EZH2: variants seen among roughly 807,000 people sequenced by gnomAD.
The protein encoded by EZH2 is histone-lysine N-methyltransferase EZH2.
In EZH2, 18 loss-of-function variants were observed where a neutral mutation model predicts 98.4. That is an observed-to-expected ratio of 0.18 (90% CI 0.13 to 0.27). The LOEUF is 0.27. EZH2 is among the 10% of genes least tolerant of loss of function. EZH2 has a pLI of 1.00. For synonymous variants in EZH2, 338 were observed against 312.3 expected (o/e 1.08, Z -0.87); for missense variants, 470 against 935.1 (o/e 0.50, Z 6.49).
intron 15 of EZH2, 103 bp downstream of exon 15, chr7:148,813,856 A>G: frequency 8.3e-7 from 1 of 1,198,674 alleles, no homozygotes; most frequent in Non-Finnish European, 1.2e-6. Context: ...TTCAAGGATC[A>G]CTTTTACTTT....
At chr7:148,861,931 T>C (rs1817735431) in intron 1 of EZH2, among the ~76,000 whole-genome samples, 2 of 152,226 alleles carry the variant, frequency 1.3e-5, no homozygotes, top group South Asian at 4.1e-4. Flanking sequence ...ATATGTTGTT[T>C]TGGTTCAAGT....
chr7:148,854,435 C>CAAA (rs59202218), intron 1 of EZH2, among the ~76,000 whole-genome samples: 13 of 87,462 alleles, frequency 1.5e-4, no homozygotes, highest in African/African-American at 3.3e-4. Context: ...GACTCCGTCT[C>CAAA]AAAAAAAAAA....
At chr7:148,810,117 G>A in intron 17 of EZH2, 1 of 431,700 alleles carries the variant, frequency 2.3e-6, no homozygotes, top group East Asian at 3.2e-5. Context: ...CAGACAGCCG[G>A]GACTCCAGAG....
At chr7:148,827,080 T>C in intron 7 of EZH2, 84 bp downstream of exon 7, 1 of 1,013,562 alleles carries the variant, frequency 9.9e-7, no homozygotes, top group Non-Finnish European at 1.5e-6. Context: ...GCTCATCCGC[T>C]ACATTGATTC....
intron 3 of EZH2, among the ~76,000 whole-genome samples, chr7:148,843,531 G>T (rs138490733): frequency 1.4e-5 from 2 of 145,982 alleles, no homozygotes; most frequent in African/African-American, 5.0e-5. Flanking sequence ...GAGAAAATCA[G>T]TCATTTTCAA....
intron 1 of EZH2, among the ~76,000 whole-genome samples, chr7:148,867,918 G>A (rs771725398): frequency 6.6e-6 from 1 of 152,216 alleles, no homozygotes; most frequent in Non-Finnish European, 1.5e-5. Context: ...GGAGCACAAT[G>A]CTGCCAGTCT....
In EZH2 at chr7:148,807,383, G is replaced by A; in HGVS notation, c.*263C>T. ...ACGTTATGAGAGATGATTCAACAAG[G>A]ACAAGTTCAAGTATTCTTTATTCAA... On this transcript the variant is annotated 3_prime_UTR_variant, in exon 20 of 20. Transcript: ENST00000320356. 1 of 466,956 alleles carries A rather than the reference G, an allele frequency of 2.1e-6. No individual in the cohort carries two copies. The highest frequency in any genetic ancestry group is 3.8e-6 in the Non-Finnish European group (1 of 260,606). The allele number at this position is 466,956 out of a possible 1,614,324, so 28.9% of individuals were successfully genotyped here. A position where few individuals can be genotyped will look rare whatever the true frequency, so the allele number is the denominator to read the frequency against.
chr7:148,828,683 T>C, intron 6 of EZH2, 57 bp downstream of exon 6: 1 of 1,566,388 alleles, frequency 6.4e-7, no homozygotes, highest in Non-Finnish European at 8.6e-7. Flanking sequence ...CTACTCTTTC[T>C]ACTGTTTTTG....
intron 1 of EZH2, among the ~76,000 whole-genome samples, chr7:148,868,943 T>A (rs1268145195): frequency 6.6e-6 from 1 of 152,228 alleles, no homozygotes; most frequent in Non-Finnish European, 1.5e-5. Context: ...AAAAAACAAT[T>A]ATTTCTTTAA....
chr7:148,840,513 C>G (rs981805398), intron 3 of EZH2, among the ~76,000 whole-genome samples: 5 of 152,082 alleles, frequency 3.3e-5, no homozygotes, highest in African/African-American at 1.2e-4. Flanking sequence ...GGGACTTTTG[C>G]TTTCTGTTTT....
At chr7:148,866,237 C>G (rs912461787) in intron 1 of EZH2, among the ~76,000 whole-genome samples, 3 of 152,028 alleles carry the variant, frequency 2.0e-5, no homozygotes, top group African/African-American at 7.2e-5. Context: ...TTGTCAGTAT[C>G]TGTGCTATGG....
rs2129476879 is a variant in EZH2, at chr7:148,829,735, C to A, written c.477G>T (p.Gly159=). ...LIKNYDGKVH[G]DRECGFINDE... ...AAGAAGCATATGGCTCACCTCTATC[C>A]CCGTGTACTTTCCCATCATAATTTT... Residue 159 remains glycine, a synonymous_variant, in exon 5 of 20, where the codon GGG becomes GGT. Coordinates refer to ENST00000320356, the MANE Select transcript of EZH2 (RefSeq NM_004456.5). The A allele has an allele frequency of 6.2e-7, 1 of 1,610,058 alleles. No homozygotes were observed. Among genetic ancestry groups the A allele is most frequent in the South Asian group, 1.1e-5 (1 of 89,898 alleles).
chr7:148,861,474 G>A (rs758021593), intron 1 of EZH2, among the ~76,000 whole-genome samples: 6 of 151,266 alleles, frequency 4.0e-5, no homozygotes, highest in South Asian at 4.2e-4. Flanking sequence ...TGATCCACCC[G>A]GATTGGCCTC....
At chr7:148,854,067 T>G (rs1816355053) in intron 1 of EZH2, among the ~76,000 whole-genome samples, 1 of 152,216 alleles carries the variant, frequency 6.6e-6, no homozygotes, top group Admixed American at 6.5e-5. Context: ...AAATCAGACA[T>G]TCCTGTCCCT....
Position 148,860,669 on chromosome 7 carries a change from CTTTTA to C in EZH2, c.-7-13369_-7-13365del, listed in dbSNP as rs796643591. Among the ~76,000 whole-genome samples, 82 of 152,084 alleles carry C rather than the reference CTTTTA, an allele frequency of 5.4e-4. No individual in the cohort carries two copies. In the East Asian group the frequency reaches 6.7e-3, roughly 13 times the overall value. ...AAACTAAAGAGTTTTTTACAATTTA[CTTTTA>C]TTTTATTTTATTTTTTTGAGACAAG... On this transcript the variant is annotated intron_variant, in intron 1 of 19. Coordinates refer to ENST00000320356, the MANE Select transcript of EZH2 (RefSeq NM_004456.5).
chr7:148,810,896 CAAA>C (rs924758768), intron 16 of EZH2, among the ~76,000 whole-genome samples: 26 of 43,656 alleles, frequency 6.0e-4, no homozygotes, highest in Admixed American at 2.3e-3. Flanking sequence ...AACTCTGTCT[CAAA>C]AAAAAAAAAA....
At chr7:148,867,411 G>C (rs903059123) in intron 1 of EZH2, among the ~76,000 whole-genome samples, 1 of 152,156 alleles carries the variant, frequency 6.6e-6, no homozygotes, top group African/African-American at 2.4e-5. Context: ...AAGACAATTT[G>C]TTTTACCGAA....
chr7:148,837,853 T>C (rs1294937030), intron 3 of EZH2, among the ~76,000 whole-genome samples: 1 of 152,208 alleles, frequency 6.6e-6, no homozygotes, highest in East Asian at 1.9e-4. Context: ...TCATATCAGA[T>C]TGTAAATTAT....
intron 1 of EZH2, among the ~76,000 whole-genome samples, chr7:148,876,757 C>CAT (rs1820227272): frequency 6.6e-6 from 1 of 152,194 alleles, no homozygotes; most frequent in Admixed American, 6.6e-5. Context: ...TAAAGGGCCA[C>CAT]ATGGTAAGTA....
Sources: gnomAD v4.1 joint callset for allele counts (sites outside exome capture counted in the v4.1 genomes callset) on GRCh38, gnomAD v4.1.1 for gene constraint, MANE v1.5 for transcripts, NCBI Gene and HGNC (gene_info 2026-07-23, HGNC 2026-07-21) for gene names.